CACNA2D2: variants seen among roughly 807,000 people sequenced by gnomAD.
CACNA2D2 encodes the protein voltage-dependent calcium channel subunit alpha-2/delta-2.
A neutral mutation model predicts 166.4 loss-of-function variants in CACNA2D2; 48 were observed. The observed-to-expected ratio is 0.29, with a 90% CI of 0.23 to 0.37. The LOEUF (loss-of-function observed/expected upper bound fraction) is 0.37, where lower values mean the gene tolerates loss of function less well. Among genes scored for constraint, CACNA2D2 ranks in the 10% least tolerant of loss-of-function variants. The pLI is 1.00. For synonymous variants in CACNA2D2, 561 were observed against 573.7 expected (o/e 0.98, Z 0.32); for missense variants, 1,122 against 1,433.0 (o/e 0.78, Z 3.50).
Position 50,448,833 on chromosome 3 carries a change from G to A in CACNA2D2, c.289-14404C>T, listed in dbSNP as rs557396164. On this transcript the variant is annotated intron_variant, in intron 2 of 37. Coordinates refer to ENST00000424201, the MANE Select transcript of CACNA2D2 (RefSeq NM_006030.4). ...GGCCACCCACACTGTGCTGGTGCCC[G>A]CTTCTAGCCACTACCCCCACAGACC... 2.6e-5 allele frequency among the ~76,000 whole-genome samples: 4 copies of A among 152,196 alleles called. No homozygotes were observed. In the South Asian group the frequency reaches 8.3e-4, roughly 32 times the overall value.
intron 2 of CACNA2D2, among the ~76,000 whole-genome samples, chr3:50,461,735 T>TGGG (rs1255615846): frequency 8.6e-6 from 1 of 115,650 alleles, no homozygotes; most frequent in Non-Finnish European, 1.7e-5. Context: ...CACTCCAGCC[T>TGGG]GGGGAGTCTC....
intron 22 of CACNA2D2, among the ~76,000 whole-genome samples, chr3:50,371,490 AG>A (rs1427005067): frequency 6.6e-6 from 1 of 152,150 alleles, no homozygotes; most frequent in South Asian, 2.1e-4. Context: ...TGCACCTGGG[AG>A]GGGTCCCTCT....
intron 3 of CACNA2D2, among the ~76,000 whole-genome samples, chr3:50,403,195 G>A (rs1706532994): frequency 6.6e-6 from 1 of 152,102 alleles, no homozygotes; most frequent in African/African-American, 2.4e-5. Context: ...CCCTCCCAGG[G>A]CTGTGAGGAT....
chr3:50,467,155 T>A (rs781171560), intron 2 of CACNA2D2, among the ~76,000 whole-genome samples: 2 of 152,080 alleles, frequency 1.3e-5, no homozygotes, highest in South Asian at 2.1e-4. Flanking sequence ...TTCAAGTCAC[T>A]CTAGGAATGG....
chr3:50,496,406 A>G (rs982075653), intron 1 of CACNA2D2, among the ~76,000 whole-genome samples: 3 of 152,268 alleles, frequency 2.0e-5, no homozygotes, highest in Non-Finnish European at 4.4e-5. Context: ...ATGCACACAT[A>G]CATGAACACA....
intron 22 of CACNA2D2, among the ~76,000 whole-genome samples, chr3:50,372,088 G>A (rs1704682403): frequency 6.6e-6 from 1 of 152,064 alleles, no homozygotes; most frequent in African/African-American, 2.4e-5. Flanking sequence ...GGGATTCCCT[G>A]GGAGAGGTGG....
intron 2 of CACNA2D2, among the ~76,000 whole-genome samples, chr3:50,446,569 T>C (rs1304157263): frequency 6.6e-6 from 1 of 152,176 alleles, no homozygotes; most frequent in Non-Finnish European, 1.5e-5. Flanking sequence ...CCCTTGGCCA[T>C]GTCCATTGGG....
chr3:50,373,144 C>T (rs1704749505), intron 22 of CACNA2D2: 1 of 1,479,862 alleles, frequency 6.8e-7, no homozygotes, highest in Non-Finnish European at 9.1e-7. Context: ...AACACAAAAA[C>T]AAACGAAAAG....
chr3:50,425,593 A>T (rs1707771442), intron 3 of CACNA2D2, among the ~76,000 whole-genome samples: 1 of 152,126 alleles, frequency 6.6e-6, no homozygotes. Flanking sequence ...AGGGCCAGAC[A>T]CTATTAAAAC....
At chr3:50,475,824 C>A (rs1249644840) in intron 2 of CACNA2D2, among the ~76,000 whole-genome samples, 2 of 152,132 alleles carry the variant, frequency 1.3e-5, no homozygotes, top group African/African-American at 2.4e-5. Flanking sequence ...CCCAGGTGTC[C>A]CTCAGACACA....
At chr3:50,483,366 A>G (rs1559993719) in intron 1 of CACNA2D2, among the ~76,000 whole-genome samples, 1 of 152,128 alleles carries the variant, frequency 6.6e-6, no homozygotes, top group African/African-American at 2.4e-5. Context: ...AATGGGTCCA[A>G]AGCCATCTCT....
chr3:50,405,752 A>G (rs1196026608), intron 3 of CACNA2D2, among the ~76,000 whole-genome samples: 1 of 152,148 alleles, frequency 6.6e-6, no homozygotes, highest in Non-Finnish European at 1.5e-5. Context: ...CAAAGGGGGA[A>G]CTGAGGCCTG....
At chr3:50,382,111 C>T (rs1705354359) in intron 6 of CACNA2D2, among the ~76,000 whole-genome samples, 1 of 152,150 alleles carries the variant, frequency 6.6e-6, no homozygotes, top group Admixed American at 6.5e-5. Context: ...GTACCCTCGA[C>T]CCCCAACTCG....
At chr3:50,407,258 C>T (rs1372204244) in intron 3 of CACNA2D2, among the ~76,000 whole-genome samples, 3 of 151,838 alleles carry the variant, frequency 2.0e-5, no homozygotes, top group Non-Finnish European at 4.4e-5. Context: ...GAGCCTGGAC[C>T]TGTACTGAGG....
intron 2 of CACNA2D2, among the ~76,000 whole-genome samples, chr3:50,448,475 TG>T (rs1708957189): frequency 6.6e-6 from 1 of 152,178 alleles, no homozygotes; most frequent in South Asian, 2.1e-4. Flanking sequence ...GGTGCTTCCA[TG>T]GGCACCTCAG....
At position 50,380,065 on chromosome 3, in the gene CACNA2D2, TG is replaced by T; in HGVS notation, c.843-48del. 1 of 1,591,688 alleles carries T rather than the reference TG, an allele frequency of 6.3e-7. No homozygotes were observed. The highest frequency in any genetic ancestry group is 2.2e-5 in the East Asian group (1 of 44,768). ...TAGGGTAAGGCCCACTGGGACCTTG[TG>T]GGTCCTTCCTTCCTTCACATACATA... On this transcript the variant is annotated intron_variant, in intron 8 of 37. Coordinates refer to ENST00000424201, the MANE Select transcript of CACNA2D2 (RefSeq NM_006030.4). This position sits in a 1 kb window ranked among gnomAD's most constrained non-coding sequence, Gnocchi z 4.9.
intron 2 of CACNA2D2, among the ~76,000 whole-genome samples, chr3:50,441,072 G>A (rs1708569673): frequency 6.6e-6 from 1 of 152,006 alleles, no homozygotes; most frequent in Non-Finnish European, 1.5e-5. Flanking sequence ...ACAGAAGCTG[G>A]GGAGACAGGG....
At chr3:50,472,903 G>A (rs767156079) in intron 2 of CACNA2D2, among the ~76,000 whole-genome samples, 3 of 152,206 alleles carry the variant, frequency 2.0e-5, no homozygotes, top group East Asian at 3.9e-4. Flanking sequence ...TGAAGTGGGA[G>A]GGTAGAAAAG....
chr3:50,395,266 CCCT>C (rs1335269267), intron 3 of CACNA2D2, among the ~76,000 whole-genome samples: 1 of 152,218 alleles, frequency 6.6e-6, no homozygotes, highest in Admixed American at 6.5e-5. Flanking sequence ...GCCATTGTGG[CCCT>C]CCTCAGATGA....
Sources: gnomAD v4.1 joint callset for allele counts (sites outside exome capture counted in the v4.1 genomes callset) on GRCh38, gnomAD v4.1.1 for gene constraint, Gnocchi (gnomAD v3.1) non-coding constraint, MANE v1.5 for transcripts, NCBI Gene and HGNC (gene_info 2026-07-23, HGNC 2026-07-21) for gene names.